Variants in ARHGEF28 observed in about 807,000 individuals in gnomAD.
ARHGEF28 encodes Rho guanine nucleotide exchange factor 28, also known as 190 kDa guanine nucleotide exchange factor.
In ARHGEF28, 152 loss-of-function variants were observed where a neutral mutation model predicts 206.6. The observed-to-expected ratio is 0.74, with a 90% CI of 0.64 to 0.84. The LOEUF (loss-of-function observed/expected upper bound fraction) is 0.84, where lower values mean the gene tolerates loss of function less well. ARHGEF28 is among the 40% of genes least tolerant of loss of function. The pLI is 0.00. For missense variants in ARHGEF28, 2,028 were observed against 2,073.2 expected, an observed-to-expected ratio of 0.98 and a Z score of 0.42; for synonymous variants, 763 against 776.4, an observed-to-expected ratio of 0.98 and a Z score of 0.29.
In ARHGEF28 at chr5:73,776,707, A is replaced by T. The variant is rs1561396416; in HGVS notation, c.840+11A>T. The T allele has an allele frequency of 6.3e-7, 1 of 1,596,998 alleles. No individual in the cohort carries two copies. The highest frequency in any genetic ancestry group is 8.6e-7 in the Non-Finnish European group (1 of 1,168,888). ...GCCTTTCTTGTCAAGGTTTGTACAT[A>T]GTGATTCTAGCATGTGATAATGCAT... On this transcript the variant is annotated intron_variant, in intron 6 of 35. Coordinates refer to ENST00000513042, the MANE Select transcript of ARHGEF28 (RefSeq NM_001177693.2).
chr5:73,711,720 AT>A (rs975105028), intron 2 of ARHGEF28, among the ~76,000 whole-genome samples: 4 of 151,600 alleles, frequency 2.6e-5, no homozygotes, highest in African/African-American at 9.7e-5. Flanking sequence ...GTGCTTTGAG[AT>A]TTTTTTTACA....
intron 18 of ARHGEF28, among the ~76,000 whole-genome samples, 170 bp downstream of exon 18, chr5:73,866,183 A>T (rs1413684697): frequency 1.3e-5 from 2 of 152,202 alleles, no homozygotes; most frequent in Non-Finnish European, 2.9e-5. Flanking sequence ...AAGGCTATCA[A>T]CTTCTAGGTC....
chr5:73,858,452 C>T (rs750263076), intron 16 of ARHGEF28, among the ~76,000 whole-genome samples: 4 of 152,038 alleles, frequency 2.6e-5, no homozygotes, highest in African/African-American at 7.2e-5. Flanking sequence ...GTCTAAAGAG[C>T]GTCTCAGATG....
intron 25 of ARHGEF28, among the ~76,000 whole-genome samples, chr5:73,886,418 G>T (rs1761300278): frequency 6.6e-6 from 1 of 152,210 alleles, no homozygotes; most frequent in Non-Finnish European, 1.5e-5. Flanking sequence ...ACTGTGGTGT[G>T]TTGAAAGCAA....
In ARHGEF28 at chr5:73,882,470, A is replaced by C; in HGVS notation, c.2815-2A>C. The C allele has an allele frequency of 7.0e-7, 1 of 1,424,320 alleles. No individual in the cohort carries two copies. The highest frequency in any genetic ancestry group is 2.5e-5 in the East Asian group (1 of 39,584). The allele number at this position is 1,424,320 out of a possible 1,614,324, so 88.2% of individuals were successfully genotyped here. ...ACCATTATTTAAATGTTATTCTTCC[A>C]GTTTTCAGAAGAAAATGCAAGTAAA... On this transcript the variant is annotated splice_acceptor_variant, in intron 22 of 35. Transcript: ENST00000513042. LOFTEE classifies it high-confidence loss of function.
At chr5:73,681,151 T>C (rs1485430241) in intron 1 of ARHGEF28, among the ~76,000 whole-genome samples, 1 of 150,300 alleles carries the variant, frequency 6.7e-6, no homozygotes, top group African/African-American at 2.5e-5. Context: ...TGTACAAAAA[T>C]ACATAAGGAT....
chr5:73,845,115 T>C (rs1758245806), intron 11 of ARHGEF28, among the ~76,000 whole-genome samples: 1 of 151,026 alleles, frequency 6.6e-6, no homozygotes, highest in African/African-American at 2.4e-5. Flanking sequence ...CCTCCTGGGT[T>C]CACGCCATTT....
chr5:73,882,692 A>T (rs1761030786), intron 23 of ARHGEF28, 98 bp downstream of exon 23: 1 of 1,160,920 alleles, frequency 8.6e-7, no homozygotes, highest in Non-Finnish European at 1.2e-6. Context: ...TTAGCTAATG[A>T]TGCTTTTCAG....
At chr5:73,903,961 CTTG>C in intron 31 of ARHGEF28, 1 of 508,512 alleles carries the variant, frequency 2.0e-6, no homozygotes. Flanking sequence ...ACTGTCATCC[CTTG>C]TTGTTTTAAG....
At chr5:73,820,496 T>C (rs12697833) in intron 9 of ARHGEF28, among the ~76,000 whole-genome samples, 108,298 of 151,810 alleles carry the variant, frequency 0.71, 38,909 homozygotes, top group East Asian at 0.93. Flanking sequence ...TTCCCTGAGG[T>C]ATGAGTGCTT....
At position 73,892,127 on chromosome 5, in the gene ARHGEF28, C is replaced by T; in HGVS notation, c.3463C>T (p.Leu1155=). ...EVANEERGMF[L]ISASSAGPEM... is the part of the protein sequence containing the mutation. ...TGCTAATGAGGAGAGAGGAATGTTT[C>T]TGATCAGTGCTTCATCTGCTGGTCC... is the stretch of plus-strand genomic sequence containing the variant. The change falls in exon 27 of 36, where the codon CTG becomes TTG. Residue 1155 remains leucine, a synonymous_variant. Transcript: ENST00000513042. 3 of 1,591,704 alleles carry T rather than the reference C, an allele frequency of 1.9e-6. No individual in the cohort carries two copies.
At chr5:73,804,082 CAAAAAAAAA>C (rs35722039) in intron 9 of ARHGEF28, among the ~76,000 whole-genome samples, 2 of 64,314 alleles carry the variant, frequency 3.1e-5, no homozygotes, top group African/African-American at 1.4e-4. Flanking sequence ...GAGACCCTGT[CAAAAAAAAA>C]AAAAAAAAAA....
chr5:73,742,756 A>G (rs1029109066), intron 2 of ARHGEF28, among the ~76,000 whole-genome samples: 9 of 149,716 alleles, frequency 6.0e-5, no homozygotes, highest in Admixed American at 1.3e-4. Flanking sequence ...CCCGGGAAGC[A>G]GAGCTTGCAG....
In ARHGEF28 at chr5:73,773,387, A is replaced by G. The variant is rs115993395; in HGVS notation, c.476-468A>G. Among the ~76,000 whole-genome samples the G allele has an allele frequency of 6.9e-3, 1,056 of 152,330 alleles. 3 individuals carry two copies. Among genetic ancestry groups the G allele is most frequent in the Non-Finnish European group, 0.011 (765 of 68,028 alleles). On this transcript the variant is annotated intron_variant, in intron 4 of 35. Transcript: ENST00000513042. ...GAAGCCATTTCTCTTGCGGCTTCTT[A>G]TCAGGGGAGGAGCGGCTCTGAGGAC...
chr5:73,859,866 T>C (rs1247635975), intron 16 of ARHGEF28, among the ~76,000 whole-genome samples: 1 of 152,196 alleles, frequency 6.6e-6, no homozygotes, highest in African/African-American at 2.4e-5. Context: ...CAGACTCAAG[T>C]TGGGTAATCT....
chr5:73,928,904 G>A (rs183820232), intron 35 of ARHGEF28, among the ~76,000 whole-genome samples: 76 of 152,108 alleles, frequency 5.0e-4, no homozygotes, highest in African/African-American at 1.4e-3. Flanking sequence ...TTAATTCAGC[G>A]CGCTCAGAAA....
chr5:73,910,251 G>A (rs1762813605), intron 34 of ARHGEF28, among the ~76,000 whole-genome samples: 1 of 151,434 alleles, frequency 6.6e-6, no homozygotes, highest in African/African-American at 2.4e-5. Flanking sequence ...CTTGGTGGCG[G>A]GCCTCTGTAA....
At chr5:73,853,001 A>G (rs2112602140) in intron 14 of ARHGEF28, among the ~76,000 whole-genome samples, 1 of 152,346 alleles carries the variant, frequency 6.6e-6, no homozygotes, top group South Asian at 2.1e-4. Context: ...TGTTTTCTCC[A>G]GCTCTATTCC....
intron 28 of ARHGEF28, 101 bp from the exon 29 acceptor site, chr5:73,894,292 T>G: frequency 8.2e-7 from 1 of 1,214,820 alleles, no homozygotes; most frequent in Non-Finnish European, 1.1e-6. Context: ...CTCTTGGAGG[T>G]CTTACTGCTT....
Sources: gnomAD v4.1 joint callset for allele counts (sites outside exome capture counted in the v4.1 genomes callset) on GRCh38, gnomAD v4.1.1 for gene constraint, MANE v1.5 for transcripts, NCBI Gene and HGNC (gene_info 2026-07-23, HGNC 2026-07-21) for gene names.